TAB2: variants seen among roughly 807,000 people sequenced by gnomAD.
TAB2 encodes TGF-beta-activated kinase 1 and MAP3K7-binding protein 2.
TAB2 carries 3 observed loss-of-function variants against 65.0 expected under a neutral mutation model. The observed-to-expected ratio is 0.05, with a 90% CI of 0.02 to 0.12. TAB2 has a LOEUF of 0.12. TAB2 is among the 10% of genes least tolerant of loss of function. The pLI is 1.00. For synonymous variants in TAB2, 298 were observed against 285.1 expected (o/e 1.05, Z -0.46); for missense variants, 623 against 840.3 (o/e 0.74, Z 3.20).
chr6:149,365,327 A>G lies in TAB2; in HGVS notation c.-89-4582A>G, dbSNP rs141832306. ...TAATGTGTTTGGGTTGTCCTTACAA[A>G]TGACTTACTGCTCCACAAAGGCTAC... On this transcript the variant is annotated intron_variant, in intron 1 of 6. Coordinates refer to ENST00000637181, the MANE Select transcript of TAB2 (RefSeq NM_001292034.3). Among the ~76,000 whole-genome samples the G allele has an allele frequency of 3.1e-4, 47 of 152,328 alleles. No homozygotes were observed. In the East Asian group the frequency reaches 7.7e-3, roughly 25 times the overall value.
At chr6:149,318,377 G>A (rs1478595806) in intron 1 of TAB2, among the ~76,000 whole-genome samples, 2 of 151,924 alleles carry the variant, frequency 1.3e-5, no homozygotes, top group African/African-American at 2.4e-5. Context: ...CGGCGCCCCT[G>A]ACCCGCCCCC....
intron 2 of TAB2, among the ~76,000 whole-genome samples, chr6:149,373,455 T>C (rs1269173410): frequency 6.6e-6 from 1 of 152,224 alleles, no homozygotes; most frequent in Non-Finnish European, 1.5e-5. Flanking sequence ...TGATAACACC[T>C]ACCATACTGC....
intron 3 of TAB2, among the ~76,000 whole-genome samples, chr6:149,383,876 C>G: frequency 6.6e-6 from 1 of 152,204 alleles, no homozygotes; most frequent in East Asian, 1.9e-4. Flanking sequence ...AGCCACCGCA[C>G]CTAGCTCAGT....
In TAB2 at chr6:149,378,271, G is replaced by A. The variant is rs1781474006; in HGVS notation, c.356G>A (p.Ser119Asn). The change falls in exon 3 of 7, where the codon AGT becomes AAT. Residue 119 changes from serine to asparagine, a missense_variant. By Grantham distance (46) the Ser-to-Asn change is conservative. Around this residue, in one of 3 missense-constraint regions of TAB2, gnomAD observed 550 missense variants for 665.7 expected, o/e 0.83. Coordinates refer to ENST00000637181, the MANE Select transcript of TAB2 (RefSeq NM_001292034.3). ...CAACTTCAAGGTGGCCAGTCCAATA[G>A]TGAACTATTTCAGCAGGAGCCACAG... is the stretch of plus-strand genomic sequence containing the variant. ...DGQLQGGQSN[S>N]ELFQQEPQTA... The A allele has an allele frequency of 6.2e-7, 1 of 1,614,194 alleles. No individual in the cohort carries two copies. The highest frequency in any genetic ancestry group is 2.2e-5 in the East Asian group (1 of 44,884).
intron 3 of TAB2, chr6:149,379,834 C>G (rs894312208): frequency 4.4e-6 from 2 of 453,214 alleles, no homozygotes; most frequent in Non-Finnish European, 8.8e-6. Context: ...CTGACTTTCT[C>G]TTTAAATTTT....
intron 1 of TAB2, among the ~76,000 whole-genome samples, chr6:149,366,254 ATAACT>A (rs1156402538): frequency 6.6e-6 from 1 of 152,190 alleles, no homozygotes; most frequent in African/African-American, 2.4e-5. Context: ...TTCAAGCCAG[ATAACT>A]TGACTACACT....
At chr6:149,403,486 A>AGG (rs1244703484) in intron 6 of TAB2, among the ~76,000 whole-genome samples, 9 of 151,692 alleles carry the variant, frequency 5.9e-5, no homozygotes, top group Admixed American at 3.9e-4. Flanking sequence ...GGCACAAGCA[A>AGG]GGGTGCCATT....
chr6:149,341,234 T>C (rs1780116192), intron 1 of TAB2, among the ~76,000 whole-genome samples: 1 of 152,182 alleles, frequency 6.6e-6, no homozygotes, highest in Non-Finnish European at 1.5e-5. Context: ...TATAAATTGT[T>C]ATATTTTTAT....
intron 1 of TAB2, among the ~76,000 whole-genome samples, chr6:149,267,319 T>A (rs2114672653): frequency 6.6e-6 from 1 of 152,318 alleles, no homozygotes; most frequent in Non-Finnish European, 1.5e-5. Context: ...AAACCTCCCG[T>A]GTCTCCTATT....
intron 1 of TAB2, among the ~76,000 whole-genome samples, chr6:149,275,811 C>T (rs1778461067): frequency 6.6e-6 from 1 of 152,152 alleles, no homozygotes; most frequent in South Asian, 2.1e-4. Flanking sequence ...CCAGCCTAAT[C>T]AGGAGAAAAG....
intron 1 of TAB2, among the ~76,000 whole-genome samples, chr6:149,255,726 T>G (rs993085414): frequency 6.6e-6 from 1 of 152,264 alleles, no homozygotes; most frequent in African/African-American, 2.4e-5. Context: ...GGCCTTGATG[T>G]TTAACATATA....
Position 149,219,495 on chromosome 6 carries a change from C to T in TAB2, c.-121+719C>T, listed in dbSNP as rs540320985. ...CTAGTAAAGTGGCCTTATTGAGATA[C>T]CAACTGAGTTATTGTTCATTCAAAC... On this transcript the variant is annotated intron_variant, in intron 1 of 1. Transcript: ENST00000606202. 3.0e-4 allele frequency among the ~76,000 whole-genome samples: 45 copies of T among 152,254 alleles called. No individual in the cohort carries two copies. The South Asian group carries it at 5.2e-3, about 18-fold the overall frequency.
intron 1 of TAB2, among the ~76,000 whole-genome samples, chr6:149,318,390 G>A (rs1779327713): frequency 6.6e-6 from 1 of 151,954 alleles, no homozygotes; most frequent in South Asian, 2.1e-4. Context: ...CCGCCCCCAG[G>A]CATGTGTGAG....
chr6:149,268,735 A>G (rs1303588357), intron 1 of TAB2, among the ~76,000 whole-genome samples: 1 of 152,222 alleles, frequency 6.6e-6, no homozygotes, highest in Non-Finnish European at 1.5e-5. Context: ...GTGGTGGAGT[A>G]TGCATTCATT....
intron 1 of TAB2, among the ~76,000 whole-genome samples, chr6:149,335,329 TA>T (rs1203263693): frequency 2.7e-5 from 4 of 150,778 alleles, no homozygotes; most frequent in Non-Finnish European, 5.9e-5. Flanking sequence ...ATTATATATA[TA>T]AAAAATATAT....
intron 1 of TAB2, among the ~76,000 whole-genome samples, chr6:149,357,611 A>G (rs1780707658): frequency 6.6e-6 from 1 of 152,138 alleles, no homozygotes; most frequent in Admixed American, 6.5e-5. Context: ...GTACATTTAG[A>G]TGAACTTAAT....
Position 149,317,904 on chromosome 6 carries a change from GCGC to G in TAB2, c.-200_-198del. 1 of 172,480 alleles carries G rather than the reference GCGC, an allele frequency of 5.8e-6. No homozygotes were observed. The highest frequency in any genetic ancestry group is 1.0e-4 in the South Asian group (1 of 9,698). 10.7% of individuals were successfully genotyped at this position (172,480 alleles called of 1,614,324 possible). ...CCGGGTGGAACCGGAGGCGGCGGCG[GCGC>G]TGGCGGCGGCCGTGGTGGCGGAGGC... On this transcript the variant is annotated 5_prime_UTR_variant, in exon 1 of 7. Transcript: ENST00000637181. The surrounding 1 kb of genome is among the most constrained non-coding windows in gnomAD (Gnocchi z 4.7).
intron 1 of TAB2, among the ~76,000 whole-genome samples, chr6:149,249,083 C>T (rs1356732680): frequency 6.6e-6 from 1 of 151,798 alleles, no homozygotes; most frequent in Non-Finnish European, 1.5e-5. Context: ...GTTTACTATA[C>T]TACAGTCTCT....
At chr6:149,250,845 A>C (rs1431105242) in intron 1 of TAB2, among the ~76,000 whole-genome samples, 2 of 152,150 alleles carry the variant, frequency 1.3e-5, no homozygotes, top group Non-Finnish European at 2.9e-5. Flanking sequence ...TTGCATTATG[A>C]AAATCACTTC....
Sources: gnomAD v4.1 joint callset for allele counts (sites outside exome capture counted in the v4.1 genomes callset) on GRCh38, gnomAD v4.1.1 for gene constraint, gnomAD v4.1.1 regional missense constraint, Gnocchi (gnomAD v3.1) non-coding constraint, MANE v1.5 for transcripts, NCBI Gene and HGNC (gene_info 2026-07-23, HGNC 2026-07-21) for gene names.